Variants in ZNF280C observed in about 807,000 individuals in gnomAD.
ZNF280C encodes the protein zinc finger protein 280C.
ZNF280C carries 14 observed loss-of-function variants against 53.6 expected under a neutral mutation model. That is an observed-to-expected ratio of 0.26 (90% CI 0.17 to 0.41). ZNF280C has a LOEUF of 0.41. Among genes scored for constraint, ZNF280C ranks in the 10% least tolerant of loss-of-function variants. The pLI is 1.00. For missense variants in ZNF280C, 416 were observed against 547.1 expected, an observed-to-expected ratio of 0.76 and a Z score of 2.39; for synonymous variants, 203 against 181.1, an observed-to-expected ratio of 1.12 and a Z score of -0.97.
At chrX:130,265,035 T>C (rs2032673460) in intron 1 of ZNF280C, among the ~76,000 whole-genome samples, 1 of 112,167 alleles carries the variant, frequency 8.9e-6, no homozygotes, top group Non-Finnish European at 1.9e-5. Flanking sequence ...TAGAGGCTCT[T>C]CATATTTTCT....
Position 130,229,109 on chromosome X carries a change from A to G in ZNF280C, c.1015T>C (p.Leu339=). 2.5e-6 allele frequency: 3 copies of G among 1,208,156 alleles called. No individual in the cohort carries two copies. The highest frequency in any genetic ancestry group is 3.4e-6 in the Non-Finnish European group (3 of 893,591). ...TCATTGTTCTGCTTCTCAAGTTCCAAGTGATGTTTCATGTGGTTCATAAAC... is the reference window on the plus strand; with the variant it reads ...TCATTGTTCTGCTTCTCAAGTTCCAGGTGATGTTTCATGTGGTTCATAAAC... The part of the protein sequence containing the change: ...IRFMNHMKHH[L]ELEKQNNESW... The change falls in exon 10 of 19, where the codon TTG becomes CTG. Residue 339 remains leucine, a synonymous_variant. Coordinates refer to ENST00000370978, the MANE Select transcript of ZNF280C (RefSeq NM_017666.5).
chrX:130,242,002 G>GGGT (rs1368109869), intron 5 of ZNF280C, among the ~76,000 whole-genome samples: 5 of 95,445 alleles, frequency 5.2e-5, no homozygotes, highest in South Asian at 5.8e-4. Flanking sequence ...TGGGAAGCCG[G>GGGT]GGGGGGGCGG....
At chrX:130,205,927 C>T (rs1387612466) in intron 16 of ZNF280C, among the ~76,000 whole-genome samples, 2 of 108,605 alleles carry the variant, frequency 1.8e-5, no homozygotes, top group African/African-American at 6.7e-5. Context: ...ATTCAAATTA[C>T]GCTAACATTT....
chrX:130,220,514 C>T (rs1392328339), intron 12 of ZNF280C, 34 bp from the exon 13 acceptor site: 5 of 1,144,863 alleles, frequency 4.4e-6, no homozygotes, highest in Non-Finnish European at 5.8e-6. Context: ...TAATAACTTC[C>T]ACCACCACAA....
intron 12 of ZNF280C, among the ~76,000 whole-genome samples, chrX:130,225,069 A>T (rs1269284637): frequency 9.0e-6 from 1 of 111,571 alleles, no homozygotes; most frequent in East Asian, 2.8e-4. Flanking sequence ...AAGGCATACA[A>T]CTTAGGATAT....
At chrX:130,230,016 T>C (rs778176746) in intron 9 of ZNF280C, among the ~76,000 whole-genome samples, 52 of 112,096 alleles carry the variant, frequency 4.6e-4, no homozygotes, top group Admixed American at 1.2e-3. Context: ...GCAATCATTG[T>C]GAAGGTTTGG....
intron 13 of ZNF280C, among the ~76,000 whole-genome samples, chrX:130,218,545 T>C (rs915300581): frequency 8.9e-6 from 1 of 112,747 alleles, no homozygotes; most frequent in Non-Finnish European, 1.9e-5. Flanking sequence ...CCCCATGTAC[T>C]TGAAGAACAG....
At chrX:130,251,414 C>A (rs1440128994) in intron 2 of ZNF280C, among the ~76,000 whole-genome samples, 2 of 108,980 alleles carry the variant, frequency 1.8e-5, no homozygotes, top group Non-Finnish European at 3.8e-5. Context: ...TGCAGAAAAT[C>A]TGACATTCGG....
intron 15 of ZNF280C, among the ~76,000 whole-genome samples, chrX:130,213,176 AC>A (rs1235852554): frequency 2.7e-5 from 3 of 109,213 alleles, no homozygotes; most frequent in Admixed American, 9.8e-5. Context: ...ACATGGTGAA[AC>A]CCCGTCTCTA....
At chrX:130,244,805 G>C (rs906009461) in intron 3 of ZNF280C, among the ~76,000 whole-genome samples, 1 of 87,396 alleles carries the variant, frequency 1.1e-5, no homozygotes, top group African/African-American at 4.7e-5. Context: ...AAAAAAGAGA[G>C]AAAAGAATCA....
At chrX:130,254,982 C>T (rs1230885424) in intron 2 of ZNF280C, among the ~76,000 whole-genome samples, 1 of 101,928 alleles carries the variant, frequency 9.8e-6, no homozygotes, top group Non-Finnish European at 2.0e-5. Flanking sequence ...CATCTTTAGA[C>T]AGATAAGACA....
At chrX:130,254,954 A>G (rs984758598) in intron 2 of ZNF280C, among the ~76,000 whole-genome samples, 1 of 109,321 alleles carries the variant, frequency 9.1e-6, no homozygotes, top group African/African-American at 3.3e-5. Context: ...GCAAGAGACA[A>G]TAATAGGATA....
chrX:130,267,370 C>T (rs28688201), intron 1 of ZNF280C, among the ~76,000 whole-genome samples: 2,528 of 111,502 alleles, frequency 0.023, 81 homozygotes, highest in African/African-American at 0.078. Context: ...CTTGCTTATT[C>T]TCCGTGACCA....
At chrX:130,209,794 C>CCA in intron 15 of ZNF280C, 79 bp from the exon 16 acceptor site, 1 of 769,372 alleles carries the variant, frequency 1.3e-6, no homozygotes, top group Non-Finnish European at 1.9e-6. Context: ...ACATTTCAAG[C>CCA]CAATGCTTAA....
At position 130,209,641 on chromosome X, in the gene ZNF280C, A is replaced by G. The variant is rs891570792; in HGVS notation, c.2042+12T>C. The stretch of plus-strand genomic sequence containing the variant: ...ATTTCAATTGAAAGAAAAAAAAAAG[A>G]TCAATGATTACCTGAGAGTTCCTGA... On this transcript the variant is annotated intron_variant, in intron 16 of 18. Transcript: ENST00000370978. 1.3e-5 allele frequency: 16 copies of G among 1,188,683 alleles called. No individual in the cohort carries two copies. The highest frequency in any genetic ancestry group is 1.7e-5 in the Non-Finnish European group (15 of 879,148).
intron 8 of ZNF280C, among the ~76,000 whole-genome samples, chrX:130,234,864 G>T (rs1326284380): frequency 8.9e-6 from 1 of 111,744 alleles, no homozygotes; most frequent in Non-Finnish European, 1.9e-5. Flanking sequence ...TTAATAGAAA[G>T]CTAGAATTCA....
intron 15 of ZNF280C, among the ~76,000 whole-genome samples, chrX:130,212,845 T>C (rs2032054215): frequency 9.2e-6 from 1 of 108,451 alleles, no homozygotes; most frequent in Non-Finnish European, 1.9e-5. Context: ...GAAATAAGGG[T>C]GTGGAGGAAA....
chrX:130,230,249 A>G (rs2032263163), intron 9 of ZNF280C, among the ~76,000 whole-genome samples: 1 of 111,782 alleles, frequency 8.9e-6, no homozygotes, highest in Non-Finnish European at 1.9e-5. Context: ...AATGTAGGGA[A>G]AATAAGTAGT....
At chrX:130,236,816 T>C (rs1328409473) in intron 6 of ZNF280C, among the ~76,000 whole-genome samples, 177 bp from the exon 7 acceptor site, 4 of 111,319 alleles carry the variant, frequency 3.6e-5, no homozygotes, top group African/African-American at 9.8e-5. Context: ...TAAAGAATGA[T>C]TAAAATTTAT....
Sources: gnomAD v4.1 joint callset for allele counts (sites outside exome capture counted in the v4.1 genomes callset) on GRCh38, gnomAD v4.1.1 for gene constraint, MANE v1.5 for transcripts, NCBI Gene and HGNC (gene_info 2026-07-23, HGNC 2026-07-21) for gene names.